Variants in CCDC170 observed in about 807,000 individuals in gnomAD.
CCDC170 encodes the protein coiled-coil domain containing 170.
A neutral mutation model predicts 72.6 loss-of-function variants in CCDC170; 69 were observed. The ratio of observed to expected loss-of-function variants is 0.95; its 90% CI spans 0.78 to 1.16. CCDC170 has a LOEUF of 1.16. Among genes scored for constraint, CCDC170 ranks in the 50% most tolerant of loss-of-function variants. The pLI, the probability that CCDC170 is intolerant of heterozygous loss-of-function variation, is 0.00. For missense variants in CCDC170, 852 were observed against 832.5 expected (o/e 1.02, Z -0.29); for synonymous variants, 300 against 303.9 (o/e 0.99, Z 0.13).
chr6:151,547,880 AT>A (rs977797930), intron 4 of CCDC170, among the ~76,000 whole-genome samples: 1 of 152,322 alleles, frequency 6.6e-6, no homozygotes, highest in African/African-American at 2.4e-5. Flanking sequence ...ATAGAAGAAT[AT>A]TTTTTTAAAA....
At chr6:151,607,202 G>T (rs192506959) in intron 9 of CCDC170, among the ~76,000 whole-genome samples, 2 of 151,980 alleles carry the variant, frequency 1.3e-5, no homozygotes, top group Non-Finnish European at 2.9e-5. Flanking sequence ...CTAAGTGTGG[G>T]TCTACGGGGG....
chr6:151,599,127 AT>A (rs1011978616), intron 9 of CCDC170, among the ~76,000 whole-genome samples: 1 of 152,242 alleles, frequency 6.6e-6, no homozygotes, highest in African/African-American at 2.4e-5. Context: ...ATTATAGCCA[AT>A]GTGTGATGCA....
rs145723303 is a variant in CCDC170, at chr6:151,609,777, C to T, written c.1711-5666C>T. Among the ~76,000 whole-genome samples the T allele has an allele frequency of 1.2e-4, 18 of 152,338 alleles. No individual in the cohort carries two copies. In the East Asian group the frequency reaches 3.3e-3, roughly 28 times the overall value. ...GAGGCTTTCTTCACCACTATTGGCTCCCTGTTCTGCCCTGGTGGCTTGGCT... is the reference window on the plus strand; with the variant it reads ...GAGGCTTTCTTCACCACTATTGGCTTCCTGTTCTGCCCTGGTGGCTTGGCT... On this transcript the variant is annotated intron_variant, in intron 9 of 10. Coordinates refer to ENST00000239374, the MANE Select transcript of CCDC170 (RefSeq NM_025059.4).
intron 3 of CCDC170, among the ~76,000 whole-genome samples, chr6:151,539,467 C>T (rs973634712): frequency 6.6e-6 from 1 of 152,114 alleles, no homozygotes; most frequent in East Asian, 1.9e-4. Flanking sequence ...GCTTCCAGGA[C>T]TTTACACATG....
At chr6:151,494,852 C>T (rs372254288) in intron 1 of CCDC170, among the ~76,000 whole-genome samples, 2 of 152,294 alleles carry the variant, frequency 1.3e-5, no homozygotes, top group African/African-American at 2.4e-5. Flanking sequence ...TACTTGGGCG[C>T]ACAAGAAGAT....
intron 1 of CCDC170, among the ~76,000 whole-genome samples, chr6:151,520,635 C>T (rs570943680): frequency 6.6e-6 from 1 of 152,324 alleles, no homozygotes; most frequent in South Asian, 2.1e-4. Flanking sequence ...CTGGAGGCTA[C>T]AAGACTCTGA....
chr6:151,602,110 A>G (rs1049826334), intron 9 of CCDC170, among the ~76,000 whole-genome samples: 2 of 152,190 alleles, frequency 1.3e-5, no homozygotes, highest in Admixed American at 1.3e-4. Context: ...CTTGATGCCT[A>G]GGTTATATAA....
chr6:151,571,587 C>T (rs186362614), intron 5 of CCDC170, among the ~76,000 whole-genome samples: 11 of 152,022 alleles, frequency 7.2e-5, no homozygotes, highest in East Asian at 1.9e-4. Context: ...ATTAGCTGGG[C>T]GTGGTGGCAC....
intron 5 of CCDC170, among the ~76,000 whole-genome samples, chr6:151,560,429 A>G (rs964981970): frequency 2.0e-5 from 3 of 152,284 alleles, no homozygotes; most frequent in African/African-American, 7.2e-5. Flanking sequence ...AGAAAAATGT[A>G]CATTCTGTGG....
At chr6:151,602,967 GT>G (rs1420006733) in intron 9 of CCDC170, among the ~76,000 whole-genome samples, 5 of 151,840 alleles carry the variant, frequency 3.3e-5, no homozygotes, top group Non-Finnish European at 7.4e-5. Flanking sequence ...TGCCCGGCTA[GT>G]TTTTTTATTT....
At chr6:151,526,519 CTTT>C (rs577450833) in intron 1 of CCDC170, among the ~76,000 whole-genome samples, 4 of 131,638 alleles carry the variant, frequency 3.0e-5, no homozygotes, top group Admixed American at 7.8e-5. Context: ...CCCGCCTGGC[CTTT>C]TTTTTTTTTT....
At chr6:151,604,355 G>T (rs1044360102) in intron 9 of CCDC170, among the ~76,000 whole-genome samples, 1 of 152,020 alleles carries the variant, frequency 6.6e-6, no homozygotes, top group Non-Finnish European at 1.5e-5. Context: ...ACTTCTGAAC[G>T]TATACAGCAA....
At chr6:151,514,377 A>G (rs137891724) in intron 1 of CCDC170, among the ~76,000 whole-genome samples, 1,675 of 103,632 alleles carry the variant, frequency 0.016, 85 homozygotes, top group African/African-American at 0.061. Context: ...GGGAGGGAGG[A>G]AGGAAGGAAG....
chr6:151,573,639 T>G, intron 6 of CCDC170, 148 bp downstream of exon 6: 2 of 835,598 alleles, frequency 2.4e-6, no homozygotes, highest in Non-Finnish European at 3.7e-6. Flanking sequence ...GTTTAATGGA[T>G]TCACAGTTCC....
At chr6:151,564,552 G>T (rs1023735902) in intron 5 of CCDC170, among the ~76,000 whole-genome samples, 2 of 152,210 alleles carry the variant, frequency 1.3e-5, no homozygotes, top group Non-Finnish European at 2.9e-5. Context: ...AGTAGCAGTT[G>T]TGGGACAATG....
chr6:151,521,784 C>T (rs1432126390), intron 1 of CCDC170, among the ~76,000 whole-genome samples: 1 of 151,978 alleles, frequency 6.6e-6, no homozygotes. Context: ...GAGATAGCGA[C>T]CATCCTGGCC....
At chr6:151,565,153 C>A (rs113284992) in intron 5 of CCDC170, among the ~76,000 whole-genome samples, 2,824 of 152,240 alleles carry the variant, frequency 0.019, 97 homozygotes, top group African/African-American at 0.064. Context: ...GAAGCAGCAG[C>A]TGCAGGTGGG....
intron 5 of CCDC170, among the ~76,000 whole-genome samples, chr6:151,548,898 G>T (rs145805986): frequency 5.7e-5 from 5 of 87,186 alleles, no homozygotes; most frequent in Non-Finnish European, 1.2e-4. Context: ...TTTTTTGTTT[G>T]TTTGTTTGTT....
chr6:151,593,563 A>G (rs1273784428), intron 8 of CCDC170, among the ~76,000 whole-genome samples: 1 of 152,094 alleles, frequency 6.6e-6, no homozygotes, highest in Non-Finnish European at 1.5e-5. Context: ...TCTCACACAA[A>G]TTCCTGGAGA....
Sources: gnomAD v4.1 joint callset for allele counts (sites outside exome capture counted in the v4.1 genomes callset) on GRCh38, gnomAD v4.1.1 for gene constraint, MANE v1.5 for transcripts, NCBI Gene and HGNC (gene_info 2026-07-23, HGNC 2026-07-21) for gene names.